The following CHSY1 variants were observed in gnomAD, a reference collection of about 807,000 sequenced individuals.
CHSY1 encodes chondroitin sulfate synthase 1.
A neutral mutation model predicts 59.8 loss-of-function variants in CHSY1; 13 were observed. That is an observed-to-expected ratio of 0.22 (90% CI 0.14 to 0.35). CHSY1 has a LOEUF of 0.35. CHSY1 is among the 10% of genes least tolerant of loss of function. CHSY1 has a pLI of 1.00. For missense variants in CHSY1, 947 were observed against 1,030.6 expected (o/e 0.92, Z 1.11); for synonymous variants, 459 against 401.2 (o/e 1.14, Z -1.72).
Position 101,178,060 on chromosome 15 carries a change from G to C in CHSY1, c.1737C>G (p.Asp579Glu), listed in dbSNP as rs757907731. Residue 579 changes from aspartate to glutamate, a missense_variant, in exon 3 of 3, where the codon GAC (aspartate) becomes GAG (glutamate). This residue lies in a region of CHSY1 where 602 missense variants were observed against 676.9 expected (regional missense o/e 0.89). Coordinates refer to ENST00000254190, the MANE Select transcript of CHSY1 (RefSeq NM_014918.5). ...VLLFNSDSNP[D>E]KAKQVELMRD... ...TCATCAGTTCAACTTGTTTGGCCTT[G>C]TCAGGGTTGGAGTCAGAATTGAAAA... is the stretch of plus-strand genomic sequence containing the variant. 4 of 1,614,088 alleles carry C rather than the reference G, an allele frequency of 2.5e-6. No individual in the cohort carries two copies. The African/African-American group carries it at 4.0e-5, about 16-fold the overall frequency.
At chr15:101,223,414 T>G (rs574551076) in intron 2 of CHSY1, among the ~76,000 whole-genome samples, 1 of 152,370 alleles carries the variant, frequency 6.6e-6, no homozygotes, top group South Asian at 2.1e-4. Flanking sequence ...TGTGAAATCA[T>G]CAATTACAGA....
intron 2 of CHSY1, among the ~76,000 whole-genome samples, chr15:101,196,229 CA>C (rs533785067): frequency 0.17 from 13,961 of 80,974 alleles, 787 homozygotes; most frequent in Middle Eastern, 0.3. Flanking sequence ...GAAGCAGTCT[CA>C]AAAAAAAAAA....
At chr15:101,204,173 C>T (rs1204798641) in intron 2 of CHSY1, among the ~76,000 whole-genome samples, 1 of 152,170 alleles carries the variant, frequency 6.6e-6, no homozygotes, top group Non-Finnish European at 1.5e-5. Context: ...TGGCTCACAC[C>T]TGTAAATCCC....
chr15:101,240,169 A>G (rs1450818743), intron 1 of CHSY1, among the ~76,000 whole-genome samples: 2 of 152,208 alleles, frequency 1.3e-5, no homozygotes, highest in Non-Finnish European at 2.9e-5. Context: ...AAGTCTTTGT[A>G]AACCCTCCAA....
intron 2 of CHSY1, among the ~76,000 whole-genome samples, chr15:101,216,647 T>C (rs187393016): frequency 5.8e-4 from 88 of 152,310 alleles, no homozygotes; most frequent in Non-Finnish European, 1.1e-3. Context: ...TATGGTATGA[T>C]TCCAATTATA....
intron 2 of CHSY1, among the ~76,000 whole-genome samples, chr15:101,181,766 C>T (rs542726520): frequency 6.6e-6 from 1 of 152,308 alleles, no homozygotes. Context: ...TTCCCAAATA[C>T]AGTGGATCCT....
At chr15:101,216,969 G>A (rs1022994022) in intron 2 of CHSY1, among the ~76,000 whole-genome samples, 10 of 152,342 alleles carry the variant, frequency 6.6e-5, no homozygotes, top group African/African-American at 2.4e-4. Flanking sequence ...CATTACAAAT[G>A]TATGAGACAA....
chr15:101,214,224 T>C (rs2038709972), intron 2 of CHSY1, among the ~76,000 whole-genome samples: 1 of 152,228 alleles, frequency 6.6e-6, no homozygotes, highest in South Asian at 2.1e-4. Context: ...CAGCCGCATC[T>C]TGCATTTGGT....
At chr15:101,212,285 A>G (rs979584327) in intron 2 of CHSY1, among the ~76,000 whole-genome samples, 3 of 152,192 alleles carry the variant, frequency 2.0e-5, no homozygotes, top group Non-Finnish European at 4.4e-5. Flanking sequence ...GTATATACCT[A>G]TCCTCTGACC....
At chr15:101,219,062 C>A (rs2038763441) in intron 2 of CHSY1, among the ~76,000 whole-genome samples, 1 of 152,170 alleles carries the variant, frequency 6.6e-6, no homozygotes, top group South Asian at 2.1e-4. Context: ...AGCAGTACAA[C>A]CTCGAACAAG....
chr15:101,183,650 T>C (rs1357231934), intron 2 of CHSY1, among the ~76,000 whole-genome samples: 2 of 152,186 alleles, frequency 1.3e-5, no homozygotes, highest in East Asian at 1.9e-4. Flanking sequence ...ACAAGACGCA[T>C]GGGCCAGAAT....
At position 101,235,218 on chromosome 15, in the gene CHSY1, A is replaced by G. The variant is rs2038929160; in HGVS notation, c.680T>C (p.Met227Thr). ...CATTCTCCGAAGCACCTCCCGGCTC[A>G]TGATCACGCCAGGCCCCCCCATGCA... ...NFCMGGPGVI[M>T]SREVLRRMVP... The change falls in exon 2 of 3, where the codon ATG (methionine) becomes ACG (threonine). Residue 227 changes from methionine (M) to threonine (T), a missense_variant. Physicochemically the swap from Met to Thr is moderately conservative, Grantham distance 81 (BLOSUM62 -1). Coordinates refer to ENST00000254190, the MANE Select transcript of CHSY1 (RefSeq NM_014918.5). 2 of 1,613,948 alleles carry G rather than the reference A, an allele frequency of 1.2e-6. No homozygotes were observed. Among genetic ancestry groups the G allele is most frequent in the Non-Finnish European group, 1.7e-6 (2 of 1,179,850 alleles).
chr15:101,241,567 A>C (rs185784776), intron 1 of CHSY1, among the ~76,000 whole-genome samples: 1 of 152,202 alleles, frequency 6.6e-6, no homozygotes, highest in Non-Finnish European at 1.5e-5. Context: ...CCAACAAGAA[A>C]AACTGAAAGA....
chr15:101,187,622 A>C (rs2038387591), intron 2 of CHSY1: 4 of 152,262 alleles, frequency 2.6e-5, no homozygotes, highest in Admixed American at 2.6e-4. Context: ...ATTATAAAAC[A>C]GAAAGTTAGA....
chr15:101,184,098 C>T (rs977177760), intron 2 of CHSY1, among the ~76,000 whole-genome samples: 9 of 152,336 alleles, frequency 5.9e-5, no homozygotes, highest in Admixed American at 2.0e-4. Flanking sequence ...CGGGCCCCCA[C>T]GGGAGGCCTC....
At chr15:101,207,628 T>G (rs1396343956) in intron 2 of CHSY1, among the ~76,000 whole-genome samples, 1 of 152,162 alleles carries the variant, frequency 6.6e-6, no homozygotes, top group Non-Finnish European at 1.5e-5. Context: ...AGTTGAATAT[T>G]TGGCACAAAT....
chr15:101,201,671 G>C (rs964051881), intron 2 of CHSY1, among the ~76,000 whole-genome samples: 1 of 152,226 alleles, frequency 6.6e-6, no homozygotes, highest in Non-Finnish European at 1.5e-5. Context: ...GAGGTTGCAA[G>C]TACCAGCAGC....
At chr15:101,232,359 G>A (rs2038900642) in intron 2 of CHSY1, among the ~76,000 whole-genome samples, 1 of 152,120 alleles carries the variant, frequency 6.6e-6, no homozygotes, top group Admixed American at 6.5e-5. Flanking sequence ...TTACCTGAGT[G>A]GTGAACACAA....
Position 101,252,030 on chromosome 15 carries a change from G to A in CHSY1, c.-574C>T, listed in dbSNP as rs1170376801. The A allele has an allele frequency of 6.6e-6, 1 of 150,388 alleles. No individual in the cohort carries two copies. Among genetic ancestry groups the A allele is most frequent in the Non-Finnish European group, 1.5e-5 (1 of 67,594 alleles). 9.3% of individuals were successfully genotyped at this position (150,388 alleles called of 1,614,324 possible). A position where few individuals can be genotyped will look rare whatever the true frequency, so the allele number is the denominator to read the frequency against. On this transcript the variant is annotated 5_prime_UTR_variant, in exon 1 of 3. Coordinates refer to ENST00000254190, the MANE Select transcript of CHSY1 (RefSeq NM_014918.5). ...CTCTCGGGATCCGTCCGCGCCGCGC[G>A]ATTGGCGCAAAAGTGAATGAGGGGC...
Sources: gnomAD v4.1 joint callset for allele counts (sites outside exome capture counted in the v4.1 genomes callset) on GRCh38, gnomAD v4.1.1 for gene constraint, gnomAD v4.1.1 regional missense constraint, MANE v1.5 for transcripts, NCBI Gene and HGNC (gene_info 2026-07-23, HGNC 2026-07-21) for gene names.